Variants in ARAP2 observed in about 807,000 individuals in gnomAD.
The protein encoded by ARAP2 is ArfGAP with RhoGAP domain, ankyrin repeat and PH domain 2, also known as arf-GAP with Rho-GAP domain, ANK repeat and PH domain-containing protein 2.
In ARAP2, 148 loss-of-function variants were observed where a neutral mutation model predicts 194.5. The observed-to-expected ratio is 0.76, with a 90% confidence interval of 0.67 to 0.87. The LOEUF (loss-of-function observed/expected upper bound fraction) is 0.87. ARAP2 is among the 40% of genes least tolerant of loss of function. ARAP2 has a pLI of 0.00. For synonymous variants in ARAP2, 695 were observed against 683.5 expected, an observed-to-expected ratio of 1.02 and a Z score of -0.26; for missense variants, 2,128 against 1,989.7, an observed-to-expected ratio of 1.07 and a Z score of -1.32.
chr4:36,024,157 A>G (rs1717497103), intron 5 of ARAP2, among the ~76,000 whole-genome samples: 1 of 152,138 alleles, frequency 6.6e-6, no homozygotes, highest in South Asian at 2.1e-4. Flanking sequence ...TTCCATCCAA[A>G]TCAGTCTCAT....
chr4:36,167,939 TA>T, intron 9 of ARAP2, among the ~76,000 whole-genome samples: 1 of 150,720 alleles, frequency 6.6e-6, no homozygotes. Flanking sequence ...CCTATTTGAA[TA>T]AATTCAGACT....
At chr4:36,112,422 A>C (rs973109827) in intron 26 of ARAP2, among the ~76,000 whole-genome samples, 5 of 151,970 alleles carry the variant, frequency 3.3e-5, no homozygotes, top group South Asian at 2.1e-4. Context: ...ATAAATATGC[A>C]ATGAGGAAAT....
At chr4:36,121,423 G>A (rs1722655640) in intron 22 of ARAP2, 97 bp from the exon 23 acceptor site, 3 of 1,114,082 alleles carry the variant, frequency 2.7e-6, no homozygotes, top group South Asian at 4.0e-5. Flanking sequence ...CAGCAATATT[G>A]GAATTCTCTG....
At chr4:36,215,608 A>T (rs1461884921) in intron 2 of ARAP2, among the ~76,000 whole-genome samples, 27 of 152,232 alleles carry the variant, frequency 1.8e-4, no homozygotes, top group Non-Finnish European at 3.7e-4. Context: ...TTTAAAACTT[A>T]TAATGTCACG....
At position 36,212,582 on chromosome 4, in the gene ARAP2, T is replaced by A. The variant is rs1747001795; in HGVS notation, c.1042-95A>T. 9.4e-6 allele frequency: 7 copies of A among 741,688 alleles called. No homozygotes were observed. The South Asian group carries it at 1.3e-4, about 14-fold the overall frequency. The allele number at this position is 741,688 out of a possible 1,614,324, so 45.9% of individuals were successfully genotyped here. Reference sequence around the variant, plus strand: ...TGTAGCAATATTCTACAAAAATCCATAATATCTGAGTTTAGTTTTATTAAA... The same window carrying A: ...TGTAGCAATATTCTACAAAAATCCAAAATATCTGAGTTTAGTTTTATTAAA... On this transcript the variant is annotated intron_variant, in intron 4 of 32. Transcript: ENST00000303965.
chr4:36,024,904 T>G (rs1476558324), intron 5 of ARAP2, among the ~76,000 whole-genome samples: 1 of 152,182 alleles, frequency 6.6e-6, no homozygotes, highest in African/African-American at 2.4e-5. Flanking sequence ...TTTCTGCTAG[T>G]CCTTGAAAGG....
chr4:36,083,244 T>TA (rs971968909), intron 29 of ARAP2, 124 bp downstream of exon 29: 30 of 722,130 alleles, frequency 4.2e-5, no homozygotes, highest in Admixed American at 6.0e-5. Flanking sequence ...GGAAGCAACT[T>TA]AAAAAAAATA....
rs1733903622 is a variant in ARAP2 at position 36,161,353 on chromosome 4, T to C, written c.2259+112A>G. 7.8e-6 allele frequency: 6 copies of C among 770,050 alleles called. No homozygotes were observed. In the East Asian group the frequency reaches 7.9e-5, roughly 10 times the overall value. The allele number at this position is 770,050 out of a possible 1,614,324, so 47.7% of individuals were successfully genotyped here. A position where few individuals can be genotyped will look rare whatever the true frequency, so the allele number is the denominator to read the frequency against. ...CACTTCCATAATGTGGTGAGAACTT[T>C]ATCAAACAGCCCCGAGAAAAATTCC... On this transcript the variant is annotated intron_variant, in intron 12 of 32. Transcript: ENST00000303965.
chr4:36,086,626 A>C (rs1034984566), intron 28 of ARAP2, among the ~76,000 whole-genome samples: 6 of 152,136 alleles, frequency 3.9e-5, no homozygotes, highest in Non-Finnish European at 7.4e-5. Context: ...ATTTCTCCAA[A>C]AAGTTCAATA....
intron 9 of ARAP2, among the ~76,000 whole-genome samples, chr4:36,177,026 AAGG>A (rs1185726690): frequency 1.3e-5 from 2 of 152,148 alleles, no homozygotes; most frequent in South Asian, 4.1e-4. Context: ...AGGATTTTAA[AAGG>A]AGTTCTTCCA....
At chr4:36,128,463 T>C (rs1407741643) in intron 21 of ARAP2, 70 bp downstream of exon 21, 1 of 1,017,714 alleles carries the variant, frequency 9.8e-7, no homozygotes, top group Non-Finnish European at 1.4e-6. Flanking sequence ...AAGCATGTAT[T>C]ATGGTCTATA....
intron 2 of ARAP2, among the ~76,000 whole-genome samples, chr4:36,217,195 G>T (rs762485605): frequency 4.6e-5 from 7 of 152,078 alleles, no homozygotes; most frequent in African/African-American, 1.7e-4. Flanking sequence ...TATATTTTTT[G>T]ACCTCAAAAG....
chr4:36,179,363 C>T (rs1738694952), intron 8 of ARAP2, among the ~76,000 whole-genome samples: 2 of 152,100 alleles, frequency 1.3e-5, no homozygotes, highest in Non-Finnish European at 2.9e-5. Context: ...GGTAACGTGG[C>T]ATCAGAAATT....
At chr4:36,171,439 A>G (rs1736604176) in intron 9 of ARAP2, among the ~76,000 whole-genome samples, 1 of 151,098 alleles carries the variant, frequency 6.6e-6, no homozygotes. Context: ...CAAACACCAC[A>G]TGTTCTCACT....
chr4:36,079,821 G>C (rs1025894029), intron 31 of ARAP2, among the ~76,000 whole-genome samples: 1 of 152,264 alleles, frequency 6.6e-6, no homozygotes, highest in Middle Eastern at 3.4e-3. Context: ...CTTGTTTCTG[G>C]AAAGGCAGGG....
intron 27 of ARAP2, among the ~76,000 whole-genome samples, chr4:36,105,048 A>G (rs1181404909): frequency 2.0e-5 from 3 of 151,990 alleles, no homozygotes; most frequent in African/African-American, 7.2e-5. Flanking sequence ...AAGTTTACTG[A>G]CATTTTACTC....
chr4:36,031,939 G>A (rs945756947), intron 5 of ARAP2, among the ~76,000 whole-genome samples: 2 of 152,090 alleles, frequency 1.3e-5, no homozygotes, highest in Admixed American at 1.3e-4. Context: ...AAAGTGCTGG[G>A]ATTACAGACA....
At chr4:36,216,674 G>C (rs1243255281) in intron 2 of ARAP2, among the ~76,000 whole-genome samples, 1 of 151,934 alleles carries the variant, frequency 6.6e-6, no homozygotes, top group Non-Finnish European at 1.5e-5. Flanking sequence ...ACATCAGGAA[G>C]TAAATGATAA....
At chr4:36,030,154 CATTATACTT>C (rs1718666509) in intron 5 of ARAP2, among the ~76,000 whole-genome samples, 1 of 151,986 alleles carries the variant, frequency 6.6e-6, no homozygotes, top group East Asian at 1.9e-4. Context: ...TCTCTATAAC[CATTATACTT>C]GAAAGACAGC....
Sources: gnomAD v4.1 joint callset for allele counts (sites outside exome capture counted in the v4.1 genomes callset) on GRCh38, gnomAD v4.1.1 for gene constraint, MANE v1.5 for transcripts, NCBI Gene and HGNC (gene_info 2026-07-23, HGNC 2026-07-21) for gene names.